ADGRV1: variants seen among roughly 807,000 people sequenced by gnomAD.
ADGRV1 encodes the protein adhesion G protein-coupled receptor V1.
A neutral mutation model predicts 596.2 loss-of-function variants in ADGRV1; 359 were observed. The observed-to-expected ratio is 0.60, with a 90% CI of 0.55 to 0.66. The LOEUF (loss-of-function observed/expected upper bound fraction) is 0.66. Among genes scored for constraint, ADGRV1 ranks in the 30% least tolerant of loss-of-function variants. The pLI is 0.00. For synonymous variants in ADGRV1, 2,681 were observed against 2,679.2 expected, an observed-to-expected ratio of 1.00 and a Z score of -0.02; for missense variants, 7,274 against 7,575.6, an observed-to-expected ratio of 0.96 and a Z score of 1.48.
Position 90,953,944 on chromosome 5 carries a change from A to G in ADGRV1, c.17857-11471A>G, listed in dbSNP as rs146543328. 1.4e-4 allele frequency among the ~76,000 whole-genome samples: 22 copies of G among 152,132 alleles called. No individual in the cohort carries two copies. The East Asian group carries it at 3.9e-3, about 27-fold the overall frequency. ...CTGTAGGCATGTGTTTTATTTTTAA[A>G]TGTTAATCAAATTTATGCTATACTC... On this transcript the variant is annotated intron_variant, in intron 83 of 89. Coordinates refer to ENST00000405460, the MANE Select transcript of ADGRV1 (RefSeq NM_032119.4).
intron 85 of ADGRV1, among the ~76,000 whole-genome samples, chr5:91,007,789 G>C (rs1488167684): frequency 6.6e-6 from 1 of 152,122 alleles, no homozygotes; most frequent in African/African-American, 2.4e-5. Context: ...TGCAACTTCA[G>C]ATCACCAGAA....
chr5:90,721,576 T>A lies in ADGRV1; in HGVS notation c.9748+517T>A, dbSNP rs200687669. ...TAAAATAAAATAAAATAAAATAAAA[T>A]AAAATAAAATAAAATATGTATTTAG... On this transcript the variant is annotated intron_variant, in intron 45 of 89. Coordinates refer to ENST00000405460, the MANE Select transcript of ADGRV1 (RefSeq NM_032119.4). 7.6e-3 allele frequency among the ~76,000 whole-genome samples: 908 copies of A among 119,918 alleles called. 107 individuals are homozygous for A. Among genetic ancestry groups the A allele is most frequent in the East Asian group, 0.045 (210 of 4,678 alleles). 78.7% of individuals were successfully genotyped at this position (119,918 alleles called of 152,430 possible). A position where few individuals can be genotyped will look rare whatever the true frequency, so the allele number is the denominator to read the frequency against.
intron 59 of ADGRV1, among the ~76,000 whole-genome samples, chr5:90,765,996 A>G (rs533146753): frequency 9.9e-5 from 15 of 151,028 alleles, no homozygotes; most frequent in East Asian, 7.8e-4. Flanking sequence ...TGCAAGCTCC[A>G]CCTCCCGGGT....
intron 74 of ADGRV1, 90 bp downstream of exon 74, chr5:90,811,428 G>T: frequency 8.2e-7 from 1 of 1,222,440 alleles, no homozygotes; most frequent in Non-Finnish European, 1.1e-6. Context: ...AATGGAAGAA[G>T]GTGAAGTTCT....
chr5:90,842,398 G>A (rs1428924804), intron 78 of ADGRV1, among the ~76,000 whole-genome samples: 2 of 152,060 alleles, frequency 1.3e-5, no homozygotes, highest in African/African-American at 4.8e-5. Context: ...ATACTTGGAG[G>A]GATAAAATAT....
Position 91,076,011 on chromosome 5 carries a change from C to T in ADGRV1, c.18310+3407C>T, listed in dbSNP as rs1562184543. On this transcript the variant is annotated intron_variant, in intron 86 of 89. Transcript: ENST00000405460. ...CCTCCTCATTAGTTGGTAAAACCCACGTGCTCAATAAGTGATATGGGAAAA... is the reference window on the plus strand; with the variant it reads ...CCTCCTCATTAGTTGGTAAAACCCATGTGCTCAATAAGTGATATGGGAAAA... Among the ~76,000 whole-genome samples the T allele has an allele frequency of 2.0e-5, 3 of 152,130 alleles. No individual in the cohort carries two copies. In the South Asian group the frequency reaches 6.2e-4, roughly 32 times the overall value.
intron 85 of ADGRV1, among the ~76,000 whole-genome samples, chr5:91,012,792 T>C (rs2151154603): frequency 6.6e-6 from 1 of 152,106 alleles, no homozygotes; most frequent in East Asian, 1.9e-4. Flanking sequence ...TAAATTTGTG[T>C]CATGAGGGGT....
At chr5:90,911,325 G>C (rs1437859518) in intron 83 of ADGRV1, among the ~76,000 whole-genome samples, 1 of 152,152 alleles carries the variant, frequency 6.6e-6, no homozygotes, top group Non-Finnish European at 1.5e-5. Flanking sequence ...GAGCCATCTA[G>C]CTTTTGAACT....
chr5:91,024,549 A>G (rs1257096187), intron 85 of ADGRV1, among the ~76,000 whole-genome samples: 1 of 152,136 alleles, frequency 6.6e-6, no homozygotes, highest in Non-Finnish European at 1.5e-5. Context: ...ACTACACAAA[A>G]TGATTTAAAA....
At chr5:91,021,756 C>A (rs1462327621) in intron 85 of ADGRV1, among the ~76,000 whole-genome samples, 1 of 152,030 alleles carries the variant, frequency 6.6e-6, no homozygotes, top group Non-Finnish European at 1.5e-5. Context: ...TGATCCTTGT[C>A]CTGGCTTTTG....
intron 67 of ADGRV1, among the ~76,000 whole-genome samples, chr5:90,787,718 G>A (rs1296724605): frequency 6.6e-6 from 1 of 150,956 alleles, no homozygotes; most frequent in African/African-American, 2.4e-5. Flanking sequence ...TCAGCTCCGA[G>A]TAGCTGGAAT....
intron 1 of ADGRV1, among the ~76,000 whole-genome samples, chr5:90,573,110 G>A (rs1756760965): frequency 1.7e-5 from 2 of 120,926 alleles, no homozygotes; most frequent in Non-Finnish European, 3.8e-5. Context: ...ATAAAGTAAT[G>A]CTTTCCAATT....
chr5:90,629,449 C>A lies in ADGRV1; in HGVS notation c.1749C>A (p.Leu583=), dbSNP rs1765214105. Residue 583 remains leucine, a synonymous_variant, in exon 9 of 90, where the codon CTC becomes CTA. Coordinates refer to ENST00000405460, the MANE Select transcript of ADGRV1 (RefSeq NM_032119.4). ...GILNISRRND[L]IFPEQKTQVT... The stretch of plus-strand genomic sequence containing the variant: ...TAAATATATCAAGGAGAAATGACCT[C>A]ATTTTTCCAGAGCAAAAAACTCAAG... The A allele has an allele frequency of 4.3e-6, 7 of 1,613,452 alleles. No individual in the cohort carries two copies. The highest frequency in any genetic ancestry group is 5.9e-6 in the Non-Finnish European group (7 of 1,179,740).
intron 87 of ADGRV1, among the ~76,000 whole-genome samples, chr5:91,140,764 A>G (rs1439441227): frequency 1.3e-5 from 2 of 152,188 alleles, no homozygotes; most frequent in Non-Finnish European, 2.9e-5. Context: ...TTAAAAACTT[A>G]CTTTTCAGTT....
intron 86 of ADGRV1, among the ~76,000 whole-genome samples, chr5:91,077,691 A>G (rs923162201): frequency 1.3e-5 from 2 of 152,206 alleles, no homozygotes; most frequent in African/African-American, 2.4e-5. Flanking sequence ...TCCTAATGAG[A>G]ATCACTTGCC....
intron 85 of ADGRV1, among the ~76,000 whole-genome samples, chr5:91,042,936 T>C (rs1220725129): frequency 6.6e-6 from 1 of 152,104 alleles, no homozygotes; most frequent in Non-Finnish European, 1.5e-5. Flanking sequence ...TGGGTGTTTT[T>C]TTTTTCCTTC....
At chr5:90,779,594 G>C (rs959763464) in intron 64 of ADGRV1, 1 of 152,308 alleles carries the variant, frequency 6.6e-6, no homozygotes, top group Non-Finnish European at 1.5e-5. Flanking sequence ...GTGAAAGCTA[G>C]TTGGCCATTA....
rs765010363 is a variant in ADGRV1 at position 90,628,730 on chromosome 5, T to C, written c.1407T>C (p.Leu469=). 1.9e-6 allele frequency: 3 copies of C among 1,613,996 alleles called. No homozygotes were observed. The highest frequency in any genetic ancestry group is 2.2e-5 in the East Asian group (1 of 44,890). ...GGCAGATGTTGGCAACAATTCCTCT[T>C]ACTGTGGTTGATGATGATCTTCCAG... The part of the protein sequence containing the change: ...AQGQMLATIP[L]TVVDDDLPEE... Residue 469 remains leucine (L), a synonymous_variant, in exon 8 of 90, where the codon CTT becomes CTC. Coordinates refer to ENST00000405460, the MANE Select transcript of ADGRV1 (RefSeq NM_032119.4).
intron 85 of ADGRV1, among the ~76,000 whole-genome samples, chr5:91,055,823 G>T (rs761224445): frequency 1.2e-4 from 18 of 152,178 alleles, no homozygotes; most frequent in Non-Finnish European, 1.5e-4. Flanking sequence ...TTAGAGGTTG[G>T]TGCAAAAGTA....
Sources: gnomAD v4.1 joint callset for allele counts (sites outside exome capture counted in the v4.1 genomes callset) on GRCh38, gnomAD v4.1.1 for gene constraint, MANE v1.5 for transcripts, NCBI Gene and HGNC (gene_info 2026-07-23, HGNC 2026-07-21) for gene names.